MEGF9: variants seen among roughly 807,000 people sequenced by gnomAD.
MEGF9 encodes the protein multiple EGF like domains 9, also known as multiple epidermal growth factor-like domains protein 9.
Under a neutral mutation model 46.8 loss-of-function variants are expected in MEGF9, and 6 were observed. The ratio of observed to expected loss-of-function variants is 0.13; its 90% confidence interval spans 0.07 to 0.25. The LOEUF is 0.25. Among genes scored for constraint, MEGF9 ranks in the 10% least tolerant of loss-of-function variants. The pLI, the probability that MEGF9 is intolerant of heterozygous loss-of-function variation, is 1.00. For synonymous variants in MEGF9, 302 were observed against 330.7 expected (o/e 0.91, Z 0.94); for missense variants, 683 against 792.4 (o/e 0.86, Z 1.66).
intron 3 of MEGF9, among the ~76,000 whole-genome samples, chr9:120,617,437 C>T (rs1320658428): frequency 2.0e-5 from 3 of 152,120 alleles, no homozygotes; most frequent in African/African-American, 7.2e-5. Context: ...AAAAGGCAAG[C>T]TTTAACCTGT....
intron 2 of MEGF9, among the ~76,000 whole-genome samples, chr9:120,634,812 CT>C (rs939177476): frequency 2.0e-5 from 3 of 152,036 alleles, no homozygotes; most frequent in African/African-American, 7.2e-5. Flanking sequence ...TTCCTTTGTT[CT>C]GCCTTTATTG....
chr9:120,674,672 G>A (rs1477402380), intron 1 of MEGF9, among the ~76,000 whole-genome samples: 1 of 151,198 alleles, frequency 6.6e-6, no homozygotes, highest in Non-Finnish European at 1.5e-5. Flanking sequence ...GAGTTCAAGG[G>A]ACTCTCCTGC....
At chr9:120,641,281 T>C (rs1321272128) in intron 2 of MEGF9, among the ~76,000 whole-genome samples, 3 of 152,148 alleles carry the variant, frequency 2.0e-5, no homozygotes, top group Admixed American at 6.6e-5. Context: ...CCAATCAACC[T>C]TGTAAGACAG....
At position 120,657,943 on chromosome 9, in the gene MEGF9, T is replaced by A. The variant is rs535071314; in HGVS notation, c.803+1431A>T. Among the ~76,000 whole-genome samples the A allele has an allele frequency of 4.1e-4, 62 of 152,250 alleles. No homozygotes were observed. The South Asian group carries it at 0.012, about 29-fold the overall frequency. On this transcript the variant is annotated intron_variant, in intron 2 of 5. Coordinates refer to ENST00000373930, the MANE Select transcript of MEGF9 (RefSeq NM_001080497.3). The stretch of plus-strand genomic sequence containing the variant: ...AATATTAAGCATCAGAAGCATTGAT[T>A]ATTGCTGCATTTGAAATTATAAACT...
intron 2 of MEGF9, among the ~76,000 whole-genome samples, chr9:120,636,586 A>T (rs941695233): frequency 1.3e-5 from 2 of 152,260 alleles, no homozygotes; most frequent in Non-Finnish European, 2.9e-5. Context: ...CAAATGTGAC[A>T]CATTTCCAGA....
Position 120,604,034 on chromosome 9 carries a change from A to G in MEGF9, c.*1156T>C, listed in dbSNP as rs1268647005. On this transcript the variant is annotated 3_prime_UTR_variant, in exon 6 of 6. Coordinates refer to ENST00000373930, the MANE Select transcript of MEGF9 (RefSeq NM_001080497.3). ...AAGAAAAACATTTTTTAATGAGGAT[A>G]TGTTTTATATTAATCTATGTAAAAT... The G allele has an allele frequency of 2.0e-5, 3 of 152,638 alleles. No individual in the cohort carries two copies. Among genetic ancestry groups the G allele is most frequent in the Non-Finnish European group, 4.4e-5 (3 of 68,044 alleles). 9.5% of individuals were successfully genotyped at this position (152,638 alleles called of 1,614,324 possible).
intron 2 of MEGF9, among the ~76,000 whole-genome samples, chr9:120,624,451 C>A (rs891018235): frequency 6.6e-6 from 1 of 152,040 alleles, no homozygotes; most frequent in Non-Finnish European, 1.5e-5. Context: ...TGGTCTCAAA[C>A]TCCTGAGCTC....
chr9:120,680,833 A>G (rs1206166880), intron 1 of MEGF9, among the ~76,000 whole-genome samples: 3 of 152,116 alleles, frequency 2.0e-5, no homozygotes, highest in Non-Finnish European at 2.9e-5. Flanking sequence ...TGGTTCTGCC[A>G]GGCCACTGTC....
intron 1 of MEGF9, among the ~76,000 whole-genome samples, chr9:120,703,711 G>A (rs934498883): frequency 4.6e-5 from 7 of 152,112 alleles, no homozygotes; most frequent in Admixed American, 3.3e-4. Flanking sequence ...AGTGGCTCAT[G>A]CCTGTAATCC....
chr9:120,699,447 G>A (rs960388902), intron 1 of MEGF9, among the ~76,000 whole-genome samples: 9 of 152,058 alleles, frequency 5.9e-5, no homozygotes, highest in Non-Finnish European at 1.3e-4. Context: ...GCCAGGTGCA[G>A]TGGCTCACAC....
At position 120,673,596 on chromosome 9, in the gene MEGF9, T is replaced by C. The variant is rs182581874; in HGVS notation, c.602-14021A>G. On this transcript the variant is annotated intron_variant, in intron 1 of 5. Transcript: ENST00000373930. ...TGGAGAAAGGATGCTTTTTTTTTTT[T>C]AAATAAATGGTGTTGGTACAGTTGG... 5.3e-5 allele frequency among the ~76,000 whole-genome samples: 8 copies of C among 151,790 alleles called. No individual in the cohort carries two copies. The East Asian group carries it at 1.5e-3, about 29-fold the overall frequency.
intron 2 of MEGF9, among the ~76,000 whole-genome samples, chr9:120,643,544 T>G (rs2132314356): frequency 6.6e-6 from 1 of 152,280 alleles, no homozygotes; most frequent in Non-Finnish European, 1.5e-5. Flanking sequence ...AACTTTGCCC[T>G]CAAATAAATA....
chr9:120,643,556 T>G (rs181581092), intron 2 of MEGF9, among the ~76,000 whole-genome samples: 5 of 152,326 alleles, frequency 3.3e-5, no homozygotes, highest in African/African-American at 9.6e-5. Flanking sequence ...AAATAAATAA[T>G]ACTGTCTATA....
chr9:120,661,654 C>CA (rs2043702316), intron 1 of MEGF9, among the ~76,000 whole-genome samples: 1 of 152,206 alleles, frequency 6.6e-6, no homozygotes, highest in African/African-American at 2.4e-5. Context: ...AGGAAAGGAA[C>CA]CAGCTTCCCA....
chr9:120,659,689 G>T, intron 1 of MEGF9, 114 bp from the exon 2 acceptor site: 2 of 883,506 alleles, frequency 2.3e-6, no homozygotes, highest in Non-Finnish European at 3.3e-6. Flanking sequence ...TGTAAGGATA[G>T]ATAAAATTAA....
At chr9:120,695,665 T>C (rs16910059) in intron 1 of MEGF9, among the ~76,000 whole-genome samples, 2,194 of 134,196 alleles carry the variant, frequency 0.016, 59 homozygotes, top group African/African-American at 0.059. Context: ...TTAGGAAGTA[T>C]AATAGGAGGC....
chr9:120,615,259 A>C (rs1182490301), intron 3 of MEGF9, among the ~76,000 whole-genome samples: 2 of 148,626 alleles, frequency 1.3e-5, no homozygotes, highest in Non-Finnish European at 3.0e-5. Context: ...AATAATAAAT[A>C]AATACATATA....
At chr9:120,662,947 T>A (rs930269502) in intron 1 of MEGF9, among the ~76,000 whole-genome samples, 1 of 152,198 alleles carries the variant, frequency 6.6e-6, no homozygotes, top group African/African-American at 2.4e-5. Flanking sequence ...ATTAACAATA[T>A]GTGTGCCTTA....
chr9:120,658,611 G>T (rs758253243), intron 2 of MEGF9, among the ~76,000 whole-genome samples: 3 of 151,976 alleles, frequency 2.0e-5, no homozygotes, highest in Non-Finnish European at 2.9e-5. Context: ...GCAGATCTTG[G>T]GTTATACCCA....
Sources: gnomAD v4.1 joint callset for allele counts (sites outside exome capture counted in the v4.1 genomes callset) on GRCh38, gnomAD v4.1.1 for gene constraint, MANE v1.5 for transcripts, NCBI Gene and HGNC (gene_info 2026-07-23, HGNC 2026-07-21) for gene names.